L3MBTL4: variants seen among roughly 807,000 people sequenced by gnomAD.
L3MBTL4 encodes the protein lethal(3)malignant brain tumor-like protein 4.
A neutral mutation model predicts 84.5 loss-of-function variants in L3MBTL4; 70 were observed. The ratio of observed to expected loss-of-function variants is 0.83; its 90% CI spans 0.68 to 1.01. The LOEUF (loss-of-function observed/expected upper bound fraction) is 1.01. L3MBTL4 is among the 50% of genes least tolerant of loss of function. The pLI is 0.00. For synonymous variants in L3MBTL4, 274 were observed against 259.8 expected (o/e 1.05, Z -0.52); for missense variants, 715 against 754.8 (o/e 0.95, Z 0.62).
chr18:6,294,429 G>A (rs1455367548), intron 4 of L3MBTL4, among the ~76,000 whole-genome samples: 1 of 152,244 alleles, frequency 6.6e-6, no homozygotes, highest in Non-Finnish European at 1.5e-5. Context: ...GCAGCAGAAG[G>A]TAATTATGCT....
chr18:6,388,998 G>T (rs1424869396), intron 1 of L3MBTL4, among the ~76,000 whole-genome samples: 7 of 152,174 alleles, frequency 4.6e-5, no homozygotes, highest in African/African-American at 1.4e-4. Context: ...GGAAAGTCAG[G>T]AAGGAAACTA....
intron 14 of L3MBTL4, 136 bp downstream of exon 14, chr18:6,138,058 G>A (rs1438578219): frequency 3.7e-6 from 2 of 542,128 alleles, no homozygotes; most frequent in African/African-American, 1.9e-5. Context: ...TCAAGGAAAG[G>A]CCTCAGCAAC....
chr18:6,054,969 A>G (rs964976081), intron 16 of L3MBTL4, among the ~76,000 whole-genome samples: 1 of 152,206 alleles, frequency 6.6e-6, no homozygotes, highest in African/African-American at 2.4e-5. Flanking sequence ...GAAGACACTA[A>G]AATACAGTTG....
intron 5 of L3MBTL4, among the ~76,000 whole-genome samples, chr18:6,253,957 G>A (rs1211741547): frequency 2.6e-5 from 4 of 152,008 alleles, no homozygotes; most frequent in East Asian, 1.9e-4. Context: ...ACTAATACAC[G>A]CACACACTCA....
At chr18:6,180,186 C>T (rs1599033789) in intron 12 of L3MBTL4, among the ~76,000 whole-genome samples, 1 of 152,160 alleles carries the variant, frequency 6.6e-6, no homozygotes, top group East Asian at 1.9e-4. Flanking sequence ...CACATTCAGT[C>T]CATCTGCTTG....
At chr18:6,184,884 A>T (rs576963379) in intron 12 of L3MBTL4, among the ~76,000 whole-genome samples, 5 of 152,248 alleles carry the variant, frequency 3.3e-5, no homozygotes, top group Non-Finnish European at 5.9e-5. Flanking sequence ...AGCTAAGGAA[A>T]AAAATGTGAA....
chr18:6,059,611 C>T (rs473568), intron 16 of L3MBTL4, among the ~76,000 whole-genome samples: 27,339 of 140,852 alleles, frequency 0.19, 4,705 homozygotes, highest in African/African-American at 0.47. Context: ...ATATTAAAAA[C>T]CAAGCTAAAA....
chr18:6,411,604 T>C (rs2055966735), intron 1 of L3MBTL4, among the ~76,000 whole-genome samples: 1 of 151,906 alleles, frequency 6.6e-6, no homozygotes, highest in Non-Finnish European at 1.5e-5. Flanking sequence ...CTGAGACACC[T>C]GGTTTTCCTC....
intron 16 of L3MBTL4, among the ~76,000 whole-genome samples, chr18:5,999,548 T>C (rs1202694208): frequency 6.6e-6 from 1 of 152,256 alleles, no homozygotes; most frequent in Non-Finnish European, 1.5e-5. Context: ...ATTTTAAACA[T>C]GCTAATCAGC....
At chr18:6,393,959 G>C (rs1262620559) in intron 1 of L3MBTL4, among the ~76,000 whole-genome samples, 2 of 152,022 alleles carry the variant, frequency 1.3e-5, no homozygotes, top group Non-Finnish European at 2.9e-5. Context: ...TGCTCACAAG[G>C]GTCTCCTTAC....
chr18:6,093,668 A>G (rs2058534459), intron 14 of L3MBTL4, 140 bp from the exon 15 acceptor site: 2 of 647,566 alleles, frequency 3.1e-6, no homozygotes, highest in Non-Finnish European at 4.6e-6. Context: ...CTCAAATAAT[A>G]GTTTCTTTTC....
chr18:6,291,377 C>G (rs1464319565), intron 4 of L3MBTL4, among the ~76,000 whole-genome samples: 1 of 152,042 alleles, frequency 6.6e-6, no homozygotes, highest in East Asian at 1.9e-4. Context: ...CACAAAAGAC[C>G]CCAAACAGCC....
chr18:6,302,263 T>A (rs1158844725), intron 3 of L3MBTL4, among the ~76,000 whole-genome samples: 2 of 152,164 alleles, frequency 1.3e-5, no homozygotes, highest in Non-Finnish European at 2.9e-5. Context: ...GGCCTGACAG[T>A]CGCACAGGAG....
chr18:6,136,654 A>G (rs752732344), intron 14 of L3MBTL4, among the ~76,000 whole-genome samples: 11 of 152,270 alleles, frequency 7.2e-5, no homozygotes, highest in Middle Eastern at 3.4e-3. Context: ...AGAGTGTACC[A>G]AGTAACCAAT....
chr18:6,288,435 T>G (rs1335540086), intron 4 of L3MBTL4, among the ~76,000 whole-genome samples: 1 of 152,228 alleles, frequency 6.6e-6, no homozygotes, highest in Non-Finnish European at 1.5e-5. Flanking sequence ...AAACTTTTGG[T>G]AAATTAGAAA....
At chr18:6,254,665 A>G (rs1409843765) in intron 5 of L3MBTL4, among the ~76,000 whole-genome samples, 1 of 152,156 alleles carries the variant, frequency 6.6e-6, no homozygotes, top group Non-Finnish European at 1.5e-5. Context: ...TCAAATAGAG[A>G]AACAGAACTC....
chr18:5,956,111 G>A lies in L3MBTL4; in HGVS notation c.*109C>T. The A allele has an allele frequency of 1.1e-6, 1 of 927,692 alleles. No homozygotes were observed. Among genetic ancestry groups the A allele is most frequent in the East Asian group, 2.4e-5 (1 of 41,258 alleles). The allele number at this position is 927,692 out of a possible 1,614,324, so 57.5% of individuals were successfully genotyped here. On this transcript the variant is annotated 3_prime_UTR_variant, in exon 19 of 19. Coordinates refer to ENST00000317931, the MANE Select transcript of L3MBTL4 (RefSeq NM_001330559.2). ...AATCACAGACACTTTAAAAAGTCCAGATTCAGTGTGGATACGGCCATGGGG... is the reference window on the plus strand; with the variant it reads ...AATCACAGACACTTTAAAAAGTCCAAATTCAGTGTGGATACGGCCATGGGG...
intron 5 of L3MBTL4, chr18:6,258,601 C>G (rs1356215379): frequency 7.2e-5 from 11 of 152,234 alleles, no homozygotes; most frequent in African/African-American, 2.7e-4. Flanking sequence ...ACAGAAAAGT[C>G]TGGAAAGACA....
chr18:6,232,531 G>C (rs904454192), intron 10 of L3MBTL4, among the ~76,000 whole-genome samples: 1 of 151,870 alleles, frequency 6.6e-6, no homozygotes, highest in Non-Finnish European at 1.5e-5. Flanking sequence ...GGAGGTTTTT[G>C]TATTACTGAT....
Sources: allele counts gnomAD v4.1 joint callset (sites outside exome capture counted in the v4.1 genomes callset), GRCh38; gene constraint gnomAD v4.1.1; transcripts MANE v1.5; gene names NCBI Gene and HGNC (gene_info 2026-07-23, HGNC 2026-07-21).